Variants in GDPD5 observed in about 807,000 individuals in gnomAD.
The protein encoded by GDPD5 is glycerophosphodiester phosphodiesterase 2.
In GDPD5, 48 loss-of-function variants were observed where a neutral mutation model predicts 75.1. The observed-to-expected ratio is 0.64, with a 90% CI of 0.51 to 0.81. The LOEUF is 0.81. Among genes scored for constraint, GDPD5 ranks in the 40% least tolerant of loss-of-function variants. The pLI, the probability that GDPD5 is intolerant of heterozygous loss-of-function variation, is 0.00. For missense variants in GDPD5, 706 were observed against 822.6 expected (o/e 0.86, Z 1.73); for synonymous variants, 336 against 339.0 (o/e 0.99, Z 0.10).
chr11:75,443,078 C>A (rs751971674), intron 11 of GDPD5, 58 bp downstream of exon 11: 311 of 1,554,588 alleles, frequency 2.0e-4, no homozygotes, highest in Non-Finnish European at 2.6e-4. Context: ...ACCTCTCACT[C>A]CTTGCAGTCC....
Position 75,435,350 on chromosome 11 carries a change from C to T in GDPD5, c.*157G>A. On this transcript the variant is annotated 3_prime_UTR_variant, in exon 17 of 17. Transcript: ENST00000336898. ...AGCTGGGCCTCAGGAGACAGGGAGT[C>T]CCCCTCAAGAGAGGCTGCGGCTGAC... 1.7e-6 allele frequency: 1 copy of T among 604,338 alleles called. No homozygotes were observed. 37.4% of individuals were successfully genotyped at this position (604,338 alleles called of 1,614,324 possible).
Position 75,518,500 on chromosome 11 carries a change from T to C in GDPD5, c.-145+6710A>G, listed in dbSNP as rs78062660. 8.6e-3 allele frequency among the ~76,000 whole-genome samples: 1,306 copies of C among 152,310 alleles called. 25 individuals are homozygous for C. Among genetic ancestry groups the C allele is most frequent in the African/African-American group, 0.029 (1,224 of 41,574 alleles). Reference sequence around the variant, plus strand: ...TGATGCCTGGGTCATGCCCCAGAGATTGTGGGGCCTGCAGGACTTTTAAAA... The same window carrying C: ...TGATGCCTGGGTCATGCCCCAGAGACTGTGGGGCCTGCAGGACTTTTAAAA... On this transcript the variant is annotated intron_variant, in intron 1 of 16. Transcript: ENST00000336898.
At chr11:75,449,762 C>T (rs1949089653) in intron 7 of GDPD5, 123 bp downstream of exon 7, 2 of 1,256,250 alleles carry the variant, frequency 1.6e-6, no homozygotes, top group Non-Finnish European at 2.3e-6. Flanking sequence ...GGTGTCCTCC[C>T]TAGTTCTGAC....
chr11:75,471,353 C>A (rs1019630102), intron 3 of GDPD5, among the ~76,000 whole-genome samples: 5 of 152,198 alleles, frequency 3.3e-5, no homozygotes, highest in Non-Finnish European at 7.3e-5. Flanking sequence ...GAATCCCCAC[C>A]CCCAGCCGGC....
intron 2 of GDPD5, among the ~76,000 whole-genome samples, chr11:75,478,067 C>G (rs1949818320): frequency 6.6e-6 from 1 of 152,176 alleles, no homozygotes; most frequent in African/African-American, 2.4e-5. Flanking sequence ...GCTGCTGTTC[C>G]CTCTGCCTGG....
At chr11:75,518,759 CAG>C (rs962160778) in intron 1 of GDPD5, among the ~76,000 whole-genome samples, 1 of 152,188 alleles carries the variant, frequency 6.6e-6, no homozygotes, top group African/African-American at 2.4e-5. Flanking sequence ...CCCCTGATTT[CAG>C]ACTGCCCCTG....
At chr11:75,509,402 G>T (rs562902740) in intron 1 of GDPD5, among the ~76,000 whole-genome samples, 1 of 152,296 alleles carries the variant, frequency 6.6e-6, no homozygotes, top group East Asian at 1.9e-4. Context: ...CTCTGGCCTG[G>T]ATAAAATGTA....
intron 6 of GDPD5, chr11:75,451,342 T>TG (rs1470915023): frequency 2.0e-5 from 3 of 152,168 alleles, no homozygotes; most frequent in Admixed American, 6.5e-5. Flanking sequence ...CCTGGGCCTG[T>TG]GGGGGCGCTT....
At chr11:75,522,563 C>T (rs979188220) in intron 1 of GDPD5, among the ~76,000 whole-genome samples, 15 of 152,228 alleles carry the variant, frequency 9.9e-5, no homozygotes, top group Admixed American at 4.6e-4. Context: ...CCAGTGTTGC[C>T]TGTGGGACCA....
At chr11:75,476,556 C>T (rs545970059) in intron 3 of GDPD5, among the ~76,000 whole-genome samples, 5 of 152,192 alleles carry the variant, frequency 3.3e-5, no homozygotes, top group African/African-American at 1.2e-4. Context: ...AGTGGAGAGA[C>T]CGGGGCTCTA....
At chr11:75,449,150 C>T (rs1425692179) in intron 8 of GDPD5, 28 bp from the exon 9 acceptor site, 1 of 1,551,652 alleles carries the variant, frequency 6.4e-7, no homozygotes. Flanking sequence ...TGAGTGCTGC[C>T]TGGTGAGCCC....
At chr11:75,466,911 C>A (rs1949529612) in intron 3 of GDPD5, among the ~76,000 whole-genome samples, 1 of 152,090 alleles carries the variant, frequency 6.6e-6, no homozygotes, top group East Asian at 1.9e-4. Flanking sequence ...CTGCAGGCCC[C>A]CTTGGGAGGC....
chr11:75,520,853 C>G (rs1356362516), intron 1 of GDPD5, among the ~76,000 whole-genome samples: 2 of 152,250 alleles, frequency 1.3e-5, no homozygotes, highest in East Asian at 3.9e-4. Context: ...GTCCCGCCAA[C>G]TTGGCCTGGC....
At chr11:75,479,666 C>T (rs567101414) in intron 2 of GDPD5, among the ~76,000 whole-genome samples, 5 of 152,098 alleles carry the variant, frequency 3.3e-5, no homozygotes, top group Non-Finnish European at 7.4e-5. Context: ...ACCATCCCAA[C>T]AACCCCCCAC....
At chr11:75,490,376 C>T (rs1331436458) in intron 1 of GDPD5, 56 bp from the exon 2 acceptor site, 1 of 152,308 alleles carries the variant, frequency 6.6e-6, no homozygotes, top group African/African-American at 2.4e-5. Flanking sequence ...ATCCTGCCTT[C>T]TACTGTCCCA....
chr11:75,463,656 T>C (rs1949461445), intron 3 of GDPD5, among the ~76,000 whole-genome samples: 1 of 152,182 alleles, frequency 6.6e-6, no homozygotes, highest in African/African-American at 2.4e-5. Flanking sequence ...GAGGTCAGTG[T>C]GAGGAAGAAC....
At chr11:75,493,908 C>T (rs609793) in intron 1 of GDPD5, among the ~76,000 whole-genome samples, 85,444 of 151,898 alleles carry the variant, frequency 0.56, 25,647 homozygotes, top group East Asian at 0.79. Flanking sequence ...GGCTGAGGAA[C>T]ATCTTACAAC....
chr11:75,495,748 G>C (rs1240845803), intron 1 of GDPD5, among the ~76,000 whole-genome samples: 1 of 152,180 alleles, frequency 6.6e-6, no homozygotes, highest in Non-Finnish European at 1.5e-5. Flanking sequence ...ATCTGACAAA[G>C]ATACATGGAT....
chr11:75,523,770 G>A (rs1448203184), intron 1 of GDPD5, among the ~76,000 whole-genome samples: 1 of 152,250 alleles, frequency 6.6e-6, no homozygotes, highest in Non-Finnish European at 1.5e-5. Flanking sequence ...GTCTGGGGTA[G>A]AGGGAATCCC....
Sources: allele counts gnomAD v4.1 joint callset (sites outside exome capture counted in the v4.1 genomes callset), GRCh38; gene constraint gnomAD v4.1.1; transcripts MANE v1.5; gene names NCBI Gene and HGNC (gene_info 2026-07-23, HGNC 2026-07-21).